Variants in LMO7 observed in about 807,000 individuals in gnomAD.
LMO7 encodes LIM domain 7, also known as LIM domain only protein 7.
LMO7 carries 120 observed loss-of-function variants against 206.5 expected under a neutral mutation model. That is an observed-to-expected ratio of 0.58 (90% CI 0.50 to 0.68). The LOEUF is 0.68. Ranked by LOEUF, LMO7 falls within the 30% of genes least tolerant of loss-of-function variation. LMO7 has a pLI of 0.00. For missense variants in LMO7, 1,959 were observed against 1,957.9 expected (o/e 1.00, Z -0.01); for synonymous variants, 706 against 681.5 (o/e 1.04, Z -0.56).
upstream of LMO7, chr13:75,636,311 G>T (rs1052956130): frequency 9.1e-7 from 1 of 1,095,480 alleles, no homozygotes; most frequent in Non-Finnish European, 1.1e-6. Flanking sequence ...CGGCGGCGGC[G>T]CTGCGACTTT....
chr13:75,708,105 AAGG>A (rs951099409), intron 1 of LMO7, among the ~76,000 whole-genome samples: 1 of 152,178 alleles, frequency 6.6e-6, no homozygotes, highest in Non-Finnish European at 1.5e-5. Flanking sequence ...TGATGCATAT[AAGG>A]AGGTTTGGCA....
upstream of LMO7, among the ~76,000 whole-genome samples, chr13:75,633,840 CCTTT>C (rs1395834408): frequency 7.1e-4 from 79 of 111,242 alleles, 1 homozygote; most frequent in South Asian, 1.5e-3. Context: ...CGTGTCTTTT[CCTTT>C]TTTTTTTTTT....
intron 1 of LMO7, among the ~76,000 whole-genome samples, chr13:75,708,801 T>G (rs1236380628): frequency 6.6e-6 from 1 of 152,192 alleles, no homozygotes; most frequent in Non-Finnish European, 1.5e-5. Flanking sequence ...CTTTTTTATT[T>G]ATTTATTTAT....
Position 75,817,174 on chromosome 13 carries a change from A to G in LMO7, c.1960A>G (p.Ser654Gly). 1.2e-6 allele frequency: 2 copies of G among 1,612,890 alleles called. No individual in the cohort carries two copies. Among genetic ancestry groups the G allele is most frequent in the South Asian group, 2.2e-5 (2 of 91,028 alleles). ...IYGENGSKSM[S>G]DVSAEDVQNL... ...TTTTTGTTGTAGGAGTAAGTCCATG[A>G]GTGATGTCAGCGCAGAAGATGTTCA... The change falls in exon 12 of 31, where the codon AGT becomes GGT. Residue 654 changes from serine to glycine, a missense_variant. By Grantham distance (56) the Ser-to-Gly change is moderately conservative (BLOSUM62 0). Coordinates refer to ENST00000377534, the MANE Select transcript of LMO7 (RefSeq NM_001306080.2).
At chr13:75,756,016 G>C (rs2047659294) in intron 3 of LMO7, among the ~76,000 whole-genome samples, 1 of 152,226 alleles carries the variant, frequency 6.6e-6, no homozygotes, top group East Asian at 1.9e-4. Flanking sequence ...CTAGAACTGA[G>C]ATGTGGTTTT....
At chr13:75,812,859 T>G (rs952470959) in intron 11 of LMO7, among the ~76,000 whole-genome samples, 1 of 152,230 alleles carries the variant, frequency 6.6e-6, no homozygotes, top group African/African-American at 2.4e-5. Context: ...GTAAGAGACA[T>G]ACGATGTGAT....
In LMO7 at chr13:75,804,796, T is replaced by C. The variant is rs2055226322; in HGVS notation, c.914+255T>C. 11 of 1,129,428 alleles carry C rather than the reference T, an allele frequency of 9.7e-6. No homozygotes were observed. The South Asian group carries it at 2.8e-4, about 29-fold the overall frequency. The allele number at this position is 1,129,428 out of a possible 1,614,324, so 70.0% of individuals were successfully genotyped here. A position where few individuals can be genotyped will look rare whatever the true frequency, so the allele number is the denominator to read the frequency against. ...TTCAGTTTATTGGTATTTTTCAGCT[T>C]ACCAGATAATTTGTATTGTTCATGA... On this transcript the variant is annotated intron_variant, in intron 8 of 30. Coordinates refer to ENST00000377534, the MANE Select transcript of LMO7 (RefSeq NM_001306080.2).
intron 1 of LMO7, among the ~76,000 whole-genome samples, chr13:75,693,201 A>AC (rs757868170): frequency 2.0e-5 from 3 of 152,236 alleles, no homozygotes; most frequent in Non-Finnish European, 4.4e-5. Flanking sequence ...AAGAAGCAAG[A>AC]CTAGTATGCA....
chr13:75,789,509 G>T (rs1181931468), intron 4 of LMO7, among the ~76,000 whole-genome samples: 1 of 152,150 alleles, frequency 6.6e-6, no homozygotes, highest in African/African-American at 2.4e-5. Context: ...TTTCCTGTCT[G>T]TCTTGGCCCC....
At chr13:75,742,536 T>C (rs1250832695) in intron 3 of LMO7, among the ~76,000 whole-genome samples, 1 of 152,072 alleles carries the variant, frequency 6.6e-6, no homozygotes. Flanking sequence ...CATAGACCAA[T>C]GGAACAGAAT....
At chr13:75,688,182 C>T (rs1342090708) in intron 1 of LMO7, among the ~76,000 whole-genome samples, 1 of 152,126 alleles carries the variant, frequency 6.6e-6, no homozygotes, top group Non-Finnish European at 1.5e-5. Flanking sequence ...TTTTTATTAG[C>T]AGCATGAGAG....
intron 1 of LMO7, among the ~76,000 whole-genome samples, chr13:75,648,293 G>T (rs914553218): frequency 5.9e-5 from 9 of 151,878 alleles, no homozygotes; most frequent in South Asian, 2.1e-4. Context: ...TGAATTAAAA[G>T]GTATTATTAT....
At position 75,640,667 on chromosome 13, in the gene LMO7, G is replaced by A. The variant is rs148970755; in HGVS notation, c.69+3941G>A. On this transcript the variant is annotated intron_variant, in intron 1 of 30. Transcript: ENST00000377534. ...ATCGTATCTTATTTATTGCTTGAGT[G>A]TTTGGCATGGTGCCTGCTAAATGCT... Among the ~76,000 whole-genome samples the A allele has an allele frequency of 1.4e-4, 22 of 152,314 alleles. No individual in the cohort carries two copies. The East Asian group carries it at 4.2e-3, about 29-fold the overall frequency.
intron 1 of LMO7, among the ~76,000 whole-genome samples, chr13:75,696,033 T>C (rs2041874055): frequency 6.6e-6 from 1 of 152,168 alleles, no homozygotes; most frequent in South Asian, 2.1e-4. Context: ...GAAACTGATT[T>C]CATGCCTGAT....
At chr13:75,691,319 G>C (rs9565184) in intron 1 of LMO7, among the ~76,000 whole-genome samples, 5,977 of 152,270 alleles carry the variant, frequency 0.039, 193 homozygotes, top group African/African-American at 0.077. Context: ...AGTAGAGGAT[G>C]TTTGTTCAGT....
At chr13:75,640,480 A>G (rs538894123) in intron 1 of LMO7, among the ~76,000 whole-genome samples, 3 of 152,294 alleles carry the variant, frequency 2.0e-5, no homozygotes, top group Admixed American at 2.0e-4. Flanking sequence ...TCATTCTTCC[A>G]TACTTGAGCT....
intron 3 of LMO7, among the ~76,000 whole-genome samples, chr13:75,754,618 G>A (rs2047528902): frequency 6.6e-6 from 1 of 152,114 alleles, no homozygotes; most frequent in Non-Finnish European, 1.5e-5. Context: ...AAATGAGAGA[G>A]CCCTTATACT....
At chr13:75,814,657 A>G (rs2056792168) in intron 11 of LMO7, among the ~76,000 whole-genome samples, 1 of 152,338 alleles carries the variant, frequency 6.6e-6, no homozygotes. Flanking sequence ...ATAATCTTAC[A>G]GGGCAAGGCA....
intron 2 of LMO7, among the ~76,000 whole-genome samples, chr13:75,626,595 A>ATATATATATATATATATATATATTTTTT: frequency 1.4e-5 from 1 of 71,098 alleles, no homozygotes; most frequent in Non-Finnish European, 3.6e-5. Context: ...ATATATATAA[A>ATATATATATATATATATATATATTTTTT]TTTTTTTGAG....
Sources: allele counts gnomAD v4.1 joint callset (sites outside exome capture counted in the v4.1 genomes callset), GRCh38; gene constraint gnomAD v4.1.1; transcripts MANE v1.5; gene names NCBI Gene and HGNC (gene_info 2026-07-23, HGNC 2026-07-21).